The following DYNC1LI2 variants were observed in gnomAD, a reference collection of about 807,000 sequenced individuals.
DYNC1LI2 encodes cytoplasmic dynein 1 light intermediate chain 2.
DYNC1LI2 carries 19 observed loss-of-function variants against 57.8 expected under a neutral mutation model. The ratio of observed to expected loss-of-function variants is 0.33; its 90% CI spans 0.23 to 0.48. DYNC1LI2 has a LOEUF of 0.48. Among genes scored for constraint, DYNC1LI2 ranks in the 20% least tolerant of loss-of-function variants. DYNC1LI2 has a pLI of 0.99. For missense variants in DYNC1LI2, 470 were observed against 604.2 expected (o/e 0.78, Z 2.33); for synonymous variants, 256 against 233.4 (o/e 1.10, Z -0.88).
intron 4 of DYNC1LI2, among the ~76,000 whole-genome samples, chr16:66,740,649 T>C (rs975592202): frequency 2.6e-5 from 4 of 152,192 alleles, no homozygotes; most frequent in African/African-American, 7.2e-5. Flanking sequence ...AAAGATTACA[T>C]TTCCCAGCCT....
At chr16:66,728,119 A>G (rs1397957757) in intron 10 of DYNC1LI2, 82 bp downstream of exon 10, 1 of 1,566,198 alleles carries the variant, frequency 6.4e-7, no homozygotes, top group Non-Finnish European at 8.8e-7. Flanking sequence ...ACACAAATAT[A>G]CGCTCTCACA....
intron 11 of DYNC1LI2, among the ~76,000 whole-genome samples, 192 bp from the exon 12 acceptor site, chr16:66,726,136 G>A (rs1283230366): frequency 6.6e-6 from 1 of 152,250 alleles, no homozygotes; most frequent in East Asian, 1.9e-4. Flanking sequence ...GTGGAACCAT[G>A]TTTACATTTC....
chr16:66,741,579 T>C (rs2017837174), intron 4 of DYNC1LI2, among the ~76,000 whole-genome samples: 1 of 151,948 alleles, frequency 6.6e-6, no homozygotes, highest in Non-Finnish European at 1.5e-5. Context: ...GAAGATCCCG[T>C]GTGCCATGCC....
rs2018044893 is a variant in DYNC1LI2, at chr16:66,751,267, G to T, written c.181+6C>A. ...CCTGGGGCAACGCCCCGCCGCCGGCGCTCACCGAAGACCAGGATGTTCTTG... is the reference window on the plus strand; with the variant it reads ...CCTGGGGCAACGCCCCGCCGCCGGCTCTCACCGAAGACCAGGATGTTCTTG... On this transcript the variant is annotated splice_donor_region_variant and intron_variant, in intron 2 of 12. Coordinates refer to ENST00000258198, the MANE Select transcript of DYNC1LI2 (RefSeq NM_006141.3). The surrounding 1 kb of genome is among the most constrained non-coding windows in gnomAD (Gnocchi z 5.2). 2.5e-6 allele frequency: 4 copies of T among 1,610,318 alleles called. No homozygotes were observed. Among genetic ancestry groups the T allele is most frequent in the Non-Finnish European group, 3.4e-6 (4 of 1,178,530 alleles).
chr16:66,723,361 G>C lies in DYNC1LI2; in HGVS notation c.*361C>G. 2.1e-6 allele frequency: 1 copy of C among 466,000 alleles called. No homozygotes were observed. Among genetic ancestry groups the C allele is most frequent in the Non-Finnish European group, 4.3e-6 (1 of 233,308 alleles). The allele number at this position is 466,000 out of a possible 1,614,324, so 28.9% of individuals were successfully genotyped here. On this transcript the variant is annotated 3_prime_UTR_variant, in exon 13 of 13. Transcript: ENST00000258198. ...GAATTTACTAACATGAAACTGGTCA[G>C]ACTAACCATCATCTTACCAATGATT... is the stretch of plus-strand genomic sequence containing the variant.
In DYNC1LI2 at chr16:66,725,833, T is replaced by G; in HGVS notation, c.1373A>C (p.Lys458Thr). ...GAGGVQSTAK[K>T]SGQKTVLSNV... ...TCTCCAGGGCCCTTCTGTACCTGAC[T>G]TCTTGGCTGTGCTCTGCACCCCACC... Residue 458 changes from lysine (K) to threonine (T), a missense_variant, in exon 12 of 13, where the codon AAG (lysine) becomes ACG (threonine). Lys to Thr is a moderately conservative substitution (Grantham distance 78, BLOSUM62 -1). Transcript: ENST00000258198. 6.2e-7 allele frequency: 1 copy of G among 1,613,526 alleles called. No individual in the cohort carries two copies. The highest frequency in any genetic ancestry group is 8.5e-7 in the Non-Finnish European group (1 of 1,179,810).
At chr16:66,748,519 G>A (rs1248133928) in intron 3 of DYNC1LI2, among the ~76,000 whole-genome samples, 1 of 151,992 alleles carries the variant, frequency 6.6e-6, no homozygotes, top group African/African-American at 2.4e-5. Context: ...TACCACCTCT[G>A]AGCATCTACT....
Position 66,751,326 on chromosome 16 carries a change from AC to A in DYNC1LI2, c.127del (p.Val43CysfsTer29). The A allele has an allele frequency of 6.2e-7, 1 of 1,612,136 alleles. No individual in the cohort carries two copies. The highest frequency in any genetic ancestry group is 8.5e-7 in the Non-Finnish European group (1 of 1,179,088). ...CAGCTTGGACCTGGCGCGGGTGGAC[AC>A]TTCGCTCAGAATGGAGGACCTGTGG... The part of the protein sequence containing the change: ...QSLWSSILSE[V>X]STRARSKLPS... On this transcript the variant is annotated frameshift_variant, in exon 2 of 13. Coordinates refer to ENST00000258198, the MANE Select transcript of DYNC1LI2 (RefSeq NM_006141.3). LOFTEE classifies it high-confidence loss of function. The surrounding 1 kb of genome is among the most constrained non-coding windows in gnomAD (Gnocchi z 5.2).
chr16:66,742,370 G>T, intron 4 of DYNC1LI2, 68 bp downstream of exon 4: 1 of 1,504,184 alleles, frequency 6.6e-7, no homozygotes. Flanking sequence ...ATTGGGAAAA[G>T]GAAAGTGATT....
chr16:66,737,360 C>T (rs778674021), intron 4 of DYNC1LI2, among the ~76,000 whole-genome samples: 17 of 152,104 alleles, frequency 1.1e-4, no homozygotes, highest in Middle Eastern at 6.8e-3. Flanking sequence ...CCTGTCTCTG[C>T]TAAAAATACA....
chr16:66,741,578 G>C (rs981840645), intron 4 of DYNC1LI2, among the ~76,000 whole-genome samples: 3 of 152,104 alleles, frequency 2.0e-5, no homozygotes, highest in Non-Finnish European at 4.4e-5. Context: ...TGAAGATCCC[G>C]TGTGCCATGC....
chr16:66,729,215 C>A, intron 8 of DYNC1LI2, 116 bp from the exon 9 acceptor site: 1 of 1,083,964 alleles, frequency 9.2e-7, no homozygotes, highest in South Asian at 1.2e-5. Context: ...CTGGGAGATC[C>A]CTACTGAGAC....
At chr16:66,744,598 G>C (rs771483749) in intron 3 of DYNC1LI2, among the ~76,000 whole-genome samples, 2 of 151,794 alleles carry the variant, frequency 1.3e-5, no homozygotes, top group Non-Finnish European at 2.9e-5. Context: ...GTAGTGGCAC[G>C]ATATTGGCTC....
intron 4 of DYNC1LI2, among the ~76,000 whole-genome samples, chr16:66,738,546 G>A (rs1036921563): frequency 1.3e-5 from 2 of 151,298 alleles, no homozygotes; most frequent in Non-Finnish European, 2.9e-5. Flanking sequence ...CACAGCACCC[G>A]GCCTACAGCA....
chr16:66,729,567 T>A (rs1260451587), intron 8 of DYNC1LI2, among the ~76,000 whole-genome samples: 1 of 146,862 alleles, frequency 6.8e-6, no homozygotes, highest in Non-Finnish European at 1.5e-5. Context: ...CCTGTTTCTT[T>A]ATAGTTTTTT....
intron 12 of DYNC1LI2, among the ~76,000 whole-genome samples, chr16:66,724,113 T>TCACCA (rs1433971456): frequency 2.0e-5 from 3 of 152,060 alleles, no homozygotes; most frequent in Admixed American, 6.6e-5. Flanking sequence ...GAAAACCCTC[T>TCACCA]CACCACCCAA....
Position 66,727,738 on chromosome 16 carries a change from G to C in DYNC1LI2, c.1211C>G (p.Pro404Arg). ...TACTGACGTGCCTGGGGAGGAGCTA[G>C]GCACACTGGCTGGCCCTCCCCGACC... The part of the protein sequence containing the change: ...TQGRGGPASV[P>R]SSSPGTSVKK... Residue 404 changes from proline (P) to arginine (R), a missense_variant, in exon 11 of 13, where the codon CCT becomes CGT. Transcript: ENST00000258198. 1 of 1,614,122 alleles carries C rather than the reference G, an allele frequency of 6.2e-7. No homozygotes were observed. Among genetic ancestry groups the C allele is most frequent in the Non-Finnish European group, 8.5e-7 (1 of 1,179,996 alleles).
chr16:66,727,570 G>A, intron 11 of DYNC1LI2, 118 bp downstream of exon 11: 1 of 910,566 alleles, frequency 1.1e-6, no homozygotes. Context: ...TATCGGGGAA[G>A]AGAATAGCCT....
chr16:66,727,232 T>A (rs539312875), intron 11 of DYNC1LI2, among the ~76,000 whole-genome samples: 1 of 152,198 alleles, frequency 6.6e-6, no homozygotes, highest in Admixed American at 6.5e-5. Flanking sequence ...ATAAAAATTT[T>A]AAAAATTAGC....
Sources: gnomAD v4.1 joint callset for allele counts (sites outside exome capture counted in the v4.1 genomes callset) on GRCh38, gnomAD v4.1.1 for gene constraint, Gnocchi (gnomAD v3.1) non-coding constraint, MANE v1.5 for transcripts, NCBI Gene and HGNC (gene_info 2026-07-23, HGNC 2026-07-21) for gene names.